ANO3: variants seen among roughly 807,000 people sequenced by gnomAD.
ANO3 encodes anoctamin 3.
Under a neutral mutation model 144.8 loss-of-function variants are expected in ANO3, and 99 were observed. The ratio of observed to expected loss-of-function variants is 0.68; its 90% CI spans 0.58 to 0.81. ANO3 has a LOEUF of 0.81. ANO3 is among the 30% of genes least tolerant of loss of function. The pLI, the probability that ANO3 is intolerant of heterozygous loss-of-function variation, is 0.00. For missense variants in ANO3, 905 were observed against 1,202.2 expected (o/e 0.75, Z 3.66); for synonymous variants, 414 against 392.6 (o/e 1.05, Z -0.64).
chr11:26,443,532 G>A (rs1858599496), intron 2 of ANO3, among the ~76,000 whole-genome samples: 1 of 152,188 alleles, frequency 6.6e-6, no homozygotes, highest in South Asian at 2.1e-4. Context: ...AACCCGGGAG[G>A]CGGAGGTTGC....
At chr11:26,495,074 CATTTATTTATTTATTTATTTATTTATTT>C (rs56862775) in intron 4 of ANO3, among the ~76,000 whole-genome samples, 2 of 143,396 alleles carry the variant, frequency 1.4e-5, no homozygotes, top group African/African-American at 2.6e-5. Context: ...TAAATATCTA[CATTTATTTATTTATTTATTTATTTATTT>C]ATTTATTTAT....
At chr11:26,534,652 T>C (rs1849458915) in intron 9 of ANO3, 90 bp downstream of exon 9, 1 of 818,436 alleles carries the variant, frequency 1.2e-6, no homozygotes, top group African/African-American at 1.7e-5. Context: ...AGCTTTGCTT[T>C]AATTCATTAA....
intron 1 of ANO3, among the ~76,000 whole-genome samples, chr11:26,427,649 A>T (rs1857957167): frequency 6.6e-6 from 1 of 151,012 alleles, no homozygotes; most frequent in East Asian, 1.9e-4. Context: ...GCTGTTGCAC[A>T]ACAACTCGAG....
chr11:26,460,032 C>A, intron 3 of ANO3: 1 of 445,352 alleles, frequency 2.2e-6, no homozygotes, highest in Non-Finnish European at 4.5e-6. Flanking sequence ...CAAACACTTC[C>A]CACCAGTCTT....
intron 1 of ANO3, among the ~76,000 whole-genome samples, chr11:26,344,054 G>A (rs1295178307): frequency 1.3e-5 from 2 of 152,092 alleles, no homozygotes; most frequent in Non-Finnish European, 2.9e-5. Context: ...AGAATAATAG[G>A]ATTTAAATTC....
At chr11:26,195,452 T>A (rs1006664756) in intron 1 of ANO3, among the ~76,000 whole-genome samples, 1 of 152,224 alleles carries the variant, frequency 6.6e-6, no homozygotes, top group African/African-American at 2.4e-5. Context: ...CCTGCTTTCA[T>A]AATTAAGAGT....
intron 1 of ANO3, among the ~76,000 whole-genome samples, chr11:26,296,364 T>C (rs1854088467): frequency 6.6e-6 from 1 of 152,144 alleles, no homozygotes; most frequent in African/African-American, 2.4e-5. Context: ...TGGCCCCAGA[T>C]TAATTGACCC....
At chr11:26,515,071 T>G (rs1280039100) in intron 5 of ANO3, among the ~76,000 whole-genome samples, 1 of 152,084 alleles carries the variant, frequency 6.6e-6, no homozygotes, top group Non-Finnish European at 1.5e-5. Context: ...TAACCTTGGT[T>G]GGTCTGAATT....
intron 1 of ANO3, among the ~76,000 whole-genome samples, chr11:26,346,776 C>T (rs763308434): frequency 1.3e-5 from 2 of 152,142 alleles, no homozygotes; most frequent in African/African-American, 4.8e-5. Context: ...CTTACATTTT[C>T]GTCAATACTC....
chr11:26,315,471 T>A (rs781721948), intron 1 of ANO3, among the ~76,000 whole-genome samples: 7 of 152,186 alleles, frequency 4.6e-5, no homozygotes, highest in Non-Finnish European at 8.8e-5. Context: ...ATGCTATCCC[T>A]TGGGGAAGAA....
chr11:26,307,871 G>T (rs567654530), upstream of ANO3, among the ~76,000 whole-genome samples: 18 of 151,982 alleles, frequency 1.2e-4, no homozygotes, highest in Admixed American at 6.6e-4. Flanking sequence ...TCTGCCTAGG[G>T]TTCTGTGAAC....
At chr11:26,559,988 A>G (rs1402822566) in intron 14 of ANO3, 2 of 424,280 alleles carry the variant, frequency 4.7e-6, no homozygotes, top group East Asian at 6.7e-5. Context: ...TCTAATCTCT[A>G]AAACCTAGAC....
At chr11:26,509,595 G>A (rs937200938) in intron 5 of ANO3, among the ~76,000 whole-genome samples, 1 of 152,090 alleles carries the variant, frequency 6.6e-6, no homozygotes, top group African/African-American at 2.4e-5. Context: ...TAACAGGCGT[G>A]AGCTCCTGCG....
At chr11:26,345,232 T>G (rs12280368) in intron 1 of ANO3, among the ~76,000 whole-genome samples, 4 of 151,946 alleles carry the variant, frequency 2.6e-5, no homozygotes, top group Non-Finnish European at 5.9e-5. Context: ...GCTTTGAAAT[T>G]ATCAGATATC....
upstream of ANO3, among the ~76,000 whole-genome samples, chr11:26,330,477 C>T (rs993319856): frequency 6.6e-6 from 1 of 152,068 alleles, no homozygotes; most frequent in Non-Finnish European, 1.5e-5. Context: ...TTATTGAATG[C>T]TCAGCATTTC....
chr11:26,534,483 C>A lies in ANO3; in HGVS notation c.897C>A (p.Phe299Leu). Residue 299 changes from phenylalanine (F) to leucine (L), a missense_variant, in exon 9 of 27, where the codon TTC (phenylalanine) becomes TTA (leucine). By Grantham distance (22) the Phe-to-Leu change is conservative. This residue lies in a region of ANO3 where 597 missense variants were observed against 865.1 expected (regional missense o/e 0.69). Transcript: ENST00000256737. ...TCATAATAAATAATAAAGACACCTT[C>A]TTCAGCAATGCTACTCGAAGCAGAA... ...HHFIINNKDT[F>L]FSNATRSRIV... 1.2e-6 allele frequency: 2 copies of A among 1,612,780 alleles called. No homozygotes were observed. Among genetic ancestry groups the A allele is most frequent in the Non-Finnish European group, 1.7e-6 (2 of 1,179,138 alleles).
At chr11:26,447,364 T>A (rs1858741840) in intron 3 of ANO3, among the ~76,000 whole-genome samples, 1 of 152,182 alleles carries the variant, frequency 6.6e-6, no homozygotes, top group East Asian at 1.9e-4. Context: ...TAGGTAGCAC[T>A]TTTTTACAGA....
intron 20 of ANO3, among the ~76,000 whole-genome samples, chr11:26,636,425 C>A (rs972738197): frequency 6.6e-6 from 1 of 152,080 alleles, no homozygotes; most frequent in East Asian, 1.9e-4. Flanking sequence ...TTTATGAAAT[C>A]AATATGAAAA....
upstream of ANO3, among the ~76,000 whole-genome samples, chr11:26,309,208 C>G (rs1854452515): frequency 1.3e-5 from 2 of 152,074 alleles, no homozygotes; most frequent in South Asian, 4.1e-4. Flanking sequence ...ACAGGCTGAG[C>G]AGAGGTTAGA....
Sources: allele counts gnomAD v4.1 joint callset (sites outside exome capture counted in the v4.1 genomes callset), GRCh38; gene constraint gnomAD v4.1.1; regional missense constraint gnomAD v4.1.1; transcripts MANE v1.5; gene names NCBI Gene and HGNC (gene_info 2026-07-23, HGNC 2026-07-21).